The following F11 variants were observed in gnomAD, a reference collection of about 807,000 sequenced individuals.
F11 encodes the protein coagualtion factor XI.
F11 carries 78 observed loss-of-function variants against 76.5 expected under a neutral mutation model. That is an observed-to-expected ratio of 1.02 (90% CI 0.85 to 1.23). F11 has a LOEUF of 1.23. F11 is among the 50% of genes most tolerant of loss of function. The pLI, the probability that F11 is intolerant of heterozygous loss-of-function variation, is 0.00. For synonymous variants in F11, 278 were observed against 276.3 expected, an observed-to-expected ratio of 1.01 and a Z score of -0.06; for missense variants, 742 against 771.4, an observed-to-expected ratio of 0.96 and a Z score of 0.45.
Position 186,276,226 on chromosome 4 carries a change from C to G in F11, c.596-5C>G. ...AGTCCCTGACATAGTTCTTCCGTCG[C>G]GCAGCTTGTATTAGGGACATTTTCC... On this transcript the variant is annotated splice_polypyrimidine_tract_variant and splice_region_variant and intron_variant, in intron 6 of 14. Transcript: ENST00000403665. The G allele has an allele frequency of 6.2e-7, 1 of 1,614,090 alleles. No homozygotes were observed. The highest frequency in any genetic ancestry group is 8.5e-7 in the Non-Finnish European group (1 of 1,180,006).
chr4:186,282,932 T>C (rs1197522918), intron 10 of F11: 1 of 985,302 alleles, frequency 1.0e-6, no homozygotes, highest in Non-Finnish European at 1.2e-6. Flanking sequence ...AAGGTTGTTT[T>C]ACACCCACAA....
In F11 at chr4:186,274,260, C is replaced by T; in HGVS notation, c.470C>T (p.Pro157Leu). The change falls in exon 5 of 15, where the codon CCC becomes CTC. Residue 157 changes from proline to leucine, a missense_variant. Physicochemically the swap from Pro to Leu is moderately conservative, Grantham distance 98. Coordinates refer to ENST00000403665, the MANE Select transcript of F11 (RefSeq NM_000128.4). Reference sequence around the variant, plus strand: ...TTCACGTACGCCACAAGGCAGTTTCCCAGCCTGGAGCATCGGTGAGTGAGT... The same window carrying T: ...TTCACGTACGCCACAAGGCAGTTTCTCAGCCTGGAGCATCGGTGAGTGAGT... Reference protein sequence around the residue: ...HFFTYATRQFPSLEHRNICLL... With the variant: ...HFFTYATRQFLSLEHRNICLL... The T allele has an allele frequency of 1.2e-6, 2 of 1,614,162 alleles. No homozygotes were observed. Among genetic ancestry groups the T allele is most frequent in the Non-Finnish European group, 1.7e-6 (2 of 1,180,030 alleles).
intron 2 of F11, among the ~76,000 whole-genome samples, chr4:186,271,160 C>A (rs185580912): frequency 1.3e-5 from 2 of 152,204 alleles, no homozygotes; most frequent in African/African-American, 2.4e-5. Context: ...TGTGTGTTAT[C>A]ACACCCCCGA....
In F11 at chr4:186,280,337, G is replaced by C; in HGVS notation, c.980G>C (p.Cys327Ser). The change falls in exon 9 of 15, where the codon TGC becomes TCC. Residue 327 changes from cysteine (C) to serine (S), a missense_variant. By Grantham distance (112) the Cys-to-Ser change is moderately radical. Transcript: ENST00000403665. ...CQKLCTNAVR[C>S]QFFTYTPAQA... The stretch of plus-strand genomic sequence containing the variant: ...AAACTGTGCACCAATGCCGTCCGCT[G>C]CCAGTTTTTTACCTATACCCCAGCC... The C allele has an allele frequency of 6.2e-7, 1 of 1,614,164 alleles. No homozygotes were observed. The highest frequency in any genetic ancestry group is 8.5e-7 in the Non-Finnish European group (1 of 1,180,036).
chr4:186,273,252 G>T, intron 4 of F11, 75 bp downstream of exon 4: 2 of 1,190,914 alleles, frequency 1.7e-6, no homozygotes, highest in Non-Finnish European at 2.5e-6. Flanking sequence ...TGGTTTTAAG[G>T]CTATGAAATG....
rs375422404 is a variant in F11 at position 186,286,423 on chromosome 4, C to T, written c.1489C>T (p.Arg497Ter). Residue 497 changes from arginine (R) to a stop codon, truncating the protein, a stop_gained, in exon 13 of 15, where the codon CGA (arginine) becomes TGA (stop). Coordinates refer to ENST00000403665, the MANE Select transcript of F11 (RefSeq NM_000128.4). LOFTEE classifies it high-confidence loss of function. The stretch of plus-strand genomic sequence containing the variant: ...CGATTTTTTAAATTTAGATTCTCAA[C>T]GACCCATATGCCTGCCTTCCAAAGG... ...ETTVNYTDSQ[R>*]PICLPSKGDR... 1.9e-5 allele frequency: 30 copies of T among 1,613,548 alleles called. No homozygotes were observed. The highest frequency in any genetic ancestry group is 8.3e-5 in the Admixed American group (5 of 59,992).
intron 7 of F11, 49 bp downstream of exon 7, chr4:186,276,439 G>A: frequency 6.3e-7 from 1 of 1,595,998 alleles, no homozygotes; most frequent in Non-Finnish European, 8.6e-7. Flanking sequence ...AAAAATAGCT[G>A]ATCAAAATCC....
At chr4:186,275,120 C>CT (rs1457215753) in intron 5 of F11, 21 of 456,066 alleles carry the variant, frequency 4.6e-5, no homozygotes, top group Middle Eastern at 6.5e-4. Context: ...GCTTTTATGT[C>CT]TAAGACTTAA....
chr4:186,275,318 C>T, intron 5 of F11: 1 of 359,464 alleles, frequency 2.8e-6, no homozygotes, highest in East Asian at 7.4e-5. Flanking sequence ...TGGTGAAACC[C>T]CGTCTCTACT....
chr4:186,279,346 CA>C (rs1285869814), intron 7 of F11, among the ~76,000 whole-genome samples: 1 of 151,668 alleles, frequency 6.6e-6, no homozygotes, highest in Admixed American at 6.6e-5. Flanking sequence ...CGCGACACTG[CA>C]CTCCAGCCTG....
chr4:186,278,961 T>C (rs1200110000), intron 7 of F11, among the ~76,000 whole-genome samples: 1 of 152,246 alleles, frequency 6.6e-6, no homozygotes, highest in Non-Finnish European at 1.5e-5. Context: ...CTGCTCTTTT[T>C]CTTTGTCTTA....
chr4:186,273,982 G>A (rs1475348608), intron 4 of F11, 134 bp from the exon 5 acceptor site: 1 of 882,290 alleles, frequency 1.1e-6, no homozygotes, highest in Admixed American at 2.0e-5. Flanking sequence ...TAAGAATTTT[G>A]CAGATTAATA....
downstream of F11, among the ~76,000 whole-genome samples, chr4:186,290,579 A>G (rs955780114): frequency 3.3e-5 from 5 of 152,210 alleles, no homozygotes; most frequent in African/African-American, 1.2e-4. Flanking sequence ...AGAAAAACAC[A>G]TATTTCTGTT....
At chr4:186,286,596 C>T in intron 13 of F11, 86 bp downstream of exon 13, 1 of 1,588,694 alleles carries the variant, frequency 6.3e-7, no homozygotes, top group East Asian at 2.3e-5. Context: ...AGCTGAAGCA[C>T]AACTCGAGTC....
At position 186,287,862 on chromosome 4, in the gene F11, T is replaced by C. The variant is rs778068640; in HGVS notation, c.1716+39T>C. On this transcript the variant is annotated intron_variant, in intron 14 of 14. Transcript: ENST00000403665. ...CTTAGCCAATGGAATATATGCAAAT[T>C]GGAATGCTTAATGCGTTGGGGTTTT... is the stretch of plus-strand genomic sequence containing the variant. 5 of 1,601,662 alleles carry C rather than the reference T, an allele frequency of 3.1e-6. No individual in the cohort carries two copies. The Admixed American group carries it at 6.7e-5, about 21-fold the overall frequency.
chr4:186,274,472 T>C (rs1463083392), intron 5 of F11, 197 bp downstream of exon 5: 1 of 644,252 alleles, frequency 1.6e-6, no homozygotes, highest in Non-Finnish European at 2.7e-6. Context: ...GTAAGGAGTC[T>C]ATCTTTTAAT....
rs750719887 is a variant in F11 at position 186,270,668 on chromosome 4, CAG to C, written c.56-939_56-938del. On this transcript the variant is annotated intron_variant, in intron 2 of 14. Coordinates refer to ENST00000403665, the MANE Select transcript of F11 (RefSeq NM_000128.4). ...CATGATGCACACACACACACACACA[CAG>C]AACACGTGTGTGCGCATGTGCACAT... 3.7e-4 allele frequency among the ~76,000 whole-genome samples: 54 copies of C among 146,252 alleles called. No homozygotes were observed. The South Asian group carries it at 0.011, about 30-fold the overall frequency.
chr4:186,274,691 G>A (rs1454465507), intron 5 of F11: 1 of 247,660 alleles, frequency 4.0e-6, no homozygotes, highest in Non-Finnish European at 7.9e-6. Context: ...CATGTAAAAA[G>A]TCTTATCCTG....
At chr4:186,273,998 A>T (rs1740176348) in intron 4 of F11, 118 bp from the exon 5 acceptor site, 1 of 1,137,284 alleles carries the variant, frequency 8.8e-7, no homozygotes. Context: ...TAATATAACG[A>T]AAGACCTCTG....
Sources: gnomAD v4.1 joint callset for allele counts (sites outside exome capture counted in the v4.1 genomes callset) on GRCh38, gnomAD v4.1.1 for gene constraint, MANE v1.5 for transcripts, NCBI Gene and HGNC (gene_info 2026-07-23, HGNC 2026-07-21) for gene names.